Variants in SCN8A observed in about 807,000 individuals in gnomAD.
SCN8A encodes the protein sodium voltage-gated channel alpha subunit 8, also known as sodium channel protein type 8 subunit alpha.
In SCN8A, 30 loss-of-function variants were observed where a neutral mutation model predicts 184.1. That is an observed-to-expected ratio of 0.16 (90% CI 0.12 to 0.22). The LOEUF is 0.22. Ranked by LOEUF, SCN8A falls within the 10% of genes least tolerant of loss-of-function variation. The pLI, the probability that SCN8A is intolerant of heterozygous loss-of-function variation, is 1.00. For synonymous variants in SCN8A, 852 were observed against 907.0 expected (o/e 0.94, Z 1.09); for missense variants, 1,057 against 2,498.9 (o/e 0.42, Z 12.30).
Position 51,790,404 on chromosome 12 carries a change from G to T in SCN8A, c.4426G>T (p.Gly1476Cys). 6.2e-7 allele frequency: 1 copy of T among 1,606,578 alleles called. No individual in the cohort carries two copies. The highest frequency in any genetic ancestry group is 1.1e-5 in the South Asian group (1 of 89,612). The change falls in exon 25 of 27, where the codon GGT becomes TGT. Residue 1476 changes from glycine (G) to cysteine (C), a missense_variant. Gly to Cys is a radical substitution (Grantham distance 159). Coordinates refer to ENST00000627620, the MANE Select transcript of SCN8A (RefSeq NM_001330260.2). ...NFNQQKKKFG[G>C]QDIFMTEEQK... is the part of the protein sequence containing the mutation. ...TTCTTCTTCCCTCCTTTACTTCGGA[G>T]GTCAGGACATCTTCATGACCGAAGA... is the stretch of plus-strand genomic sequence containing the variant.
At chr12:51,646,122 C>G (rs1211800810) in intron 1 of SCN8A, among the ~76,000 whole-genome samples, 1 of 151,580 alleles carries the variant, frequency 6.6e-6, no homozygotes, top group Non-Finnish European at 1.5e-5. Context: ...CAGGATGCCA[C>G]TAATGGATTT....
At chr12:51,702,357 C>T (rs897724896) in intron 8 of SCN8A, among the ~76,000 whole-genome samples, 1 of 151,340 alleles carries the variant, frequency 6.6e-6, no homozygotes, top group African/African-American at 2.4e-5. Flanking sequence ...AACTTCTAGC[C>T]GTTTGTCATT....
intron 19 of SCN8A, among the ~76,000 whole-genome samples, 180 bp from the exon 20 acceptor site, chr12:51,774,009 A>T (rs191194251): frequency 3.3e-5 from 5 of 152,330 alleles, no homozygotes; most frequent in African/African-American, 1.2e-4. Flanking sequence ...TGATGTGTGG[A>T]TTGTATCTCA....
intron 1 of SCN8A, among the ~76,000 whole-genome samples, chr12:51,639,091 C>T (rs1315278431): frequency 5.9e-5 from 9 of 151,650 alleles, no homozygotes; most frequent in Admixed American, 2.0e-4. Flanking sequence ...GTGATCCTCC[C>T]ACCCAGCCTA....
chr12:51,609,538 C>T (rs1483362546), intron 1 of SCN8A, among the ~76,000 whole-genome samples: 11 of 152,220 alleles, frequency 7.2e-5, no homozygotes, highest in Admixed American at 1.3e-4. Context: ...TTTATAATGT[C>T]CCTCTTTGTC....
intron 2 of SCN8A, among the ~76,000 whole-genome samples, chr12:51,664,995 T>C (rs1165712452): frequency 6.6e-6 from 1 of 152,224 alleles, no homozygotes; most frequent in Non-Finnish European, 1.5e-5. Flanking sequence ...TGGTTTTCTG[T>C]TCCTGTGTTA....
Position 51,796,632 on chromosome 12 carries a change from G to A in SCN8A, c.4795+1991G>A, listed in dbSNP as rs191930734. Among the ~76,000 whole-genome samples, 293 of 152,246 alleles carry A rather than the reference G, an allele frequency of 1.9e-3. 1 individual carries two copies. Among genetic ancestry groups the A allele is most frequent in the African/African-American group, 6.7e-3 (277 of 41,546 alleles). ...AGTGTATTAAGGAGAACTGACTCAC[G>A]ATCACAAGGTGAAGTCCCACGATAG... On this transcript the variant is annotated intron_variant, in intron 26 of 26. Transcript: ENST00000627620.
intron 13 of SCN8A, among the ~76,000 whole-genome samples, chr12:51,751,038 A>G (rs1942586507): frequency 6.6e-6 from 1 of 152,174 alleles, no homozygotes; most frequent in Admixed American, 6.5e-5. Context: ...GCCTGGGATC[A>G]CACAACTTGT....
intron 1 of SCN8A, among the ~76,000 whole-genome samples, chr12:51,603,656 T>C (rs923974417): frequency 3.6e-4 from 55 of 152,326 alleles, no homozygotes; most frequent in African/African-American, 1.3e-3. Flanking sequence ...CCAACAGCAG[T>C]GTATGAGAGT....
intron 12 of SCN8A, among the ~76,000 whole-genome samples, chr12:51,734,621 T>C (rs940766616): frequency 3.9e-5 from 6 of 152,218 alleles, no homozygotes; most frequent in Non-Finnish European, 7.3e-5. Context: ...GTGAGGGCCA[T>C]CATGAACATG....
Position 51,801,011 on chromosome 12 carries a change from A to G in SCN8A, c.4796-5271A>G, listed in dbSNP as rs549296964. On this transcript the variant is annotated intron_variant, in intron 26 of 26. Transcript: ENST00000627620. ...TGAGGGGGCATGATTCTCTATTTTT[A>G]TAATTCAAATTAGCCTTTTGTCCAC... is the stretch of plus-strand genomic sequence containing the variant. Among the ~76,000 whole-genome samples, 9 of 151,494 alleles carry G rather than the reference A, an allele frequency of 5.9e-5. No homozygotes were observed. In the South Asian group the frequency reaches 1.9e-3, roughly 31 times the overall value.
At chr12:51,705,241 G>C (rs1383200937) in intron 9 of SCN8A, among the ~76,000 whole-genome samples, 176 bp from the exon 10 acceptor site, 1 of 152,172 alleles carries the variant, frequency 6.6e-6, no homozygotes, top group African/African-American at 2.4e-5. Flanking sequence ...GAGGATAAGT[G>C]AAACCATTCA....
intron 1 of SCN8A, among the ~76,000 whole-genome samples, chr12:51,626,160 A>C (rs1940073736): frequency 6.6e-6 from 1 of 152,174 alleles, no homozygotes; most frequent in Non-Finnish European, 1.5e-5. Context: ...AGAATTGGCC[A>C]ATTTGAATAA....
intron 12 of SCN8A, among the ~76,000 whole-genome samples, chr12:51,729,570 G>T (rs774192451): frequency 1.3e-5 from 2 of 151,862 alleles, no homozygotes; most frequent in Non-Finnish European, 2.9e-5. Flanking sequence ...TTCTCCTGTC[G>T]ATAGATGTTC....
intron 1 of SCN8A, among the ~76,000 whole-genome samples, chr12:51,608,014 CT>C (rs1939633445): frequency 7.0e-6 from 1 of 143,062 alleles, no homozygotes; most frequent in African/African-American, 2.5e-5. Flanking sequence ...ACCAATTTTT[CT>C]TTTTCCTTTT....
intron 25 of SCN8A, among the ~76,000 whole-genome samples, chr12:51,792,742 G>C (rs1199520494): frequency 6.6e-6 from 1 of 151,890 alleles, no homozygotes; most frequent in Non-Finnish European, 1.5e-5. Flanking sequence ...TGATCCATTT[G>C]TTTTTTGTTT....
Position 51,759,175 on chromosome 12 carries a change from G to A in SCN8A, c.2371-3328G>A, listed in dbSNP as rs111858232. Among the ~76,000 whole-genome samples the A allele has an allele frequency of 1.2e-3, 175 of 151,934 alleles. No homozygotes were observed. In the Middle Eastern group the frequency reaches 0.014, roughly 12 times the overall value. Reference sequence around the variant, plus strand: ...TGCAGGTCAAGTAAGAGAAATGATTGATGTTAAGTAAAGGTGCTGGGACAT... The same window carrying A: ...TGCAGGTCAAGTAAGAGAAATGATTAATGTTAAGTAAAGGTGCTGGGACAT... On this transcript the variant is annotated intron_variant, in intron 14 of 26. Transcript: ENST00000627620.
intron 14 of SCN8A, among the ~76,000 whole-genome samples, chr12:51,758,479 C>T (rs546746050): frequency 1.3e-5 from 2 of 152,242 alleles, no homozygotes; most frequent in South Asian, 2.1e-4. Context: ...ACTCTGTCGC[C>T]CAGGCTGGAG....
chr12:51,789,207 AC>A, intron 23 of SCN8A, 73 bp from the exon 24 acceptor site: 1 of 1,533,282 alleles, frequency 6.5e-7, no homozygotes, highest in South Asian at 1.2e-5. Flanking sequence ...GGTCACAGTT[AC>A]GGCTGATGGC....
Sources: gnomAD v4.1 joint callset for allele counts (sites outside exome capture counted in the v4.1 genomes callset) on GRCh38, gnomAD v4.1.1 for gene constraint, MANE v1.5 for transcripts, NCBI Gene and HGNC (gene_info 2026-07-23, HGNC 2026-07-21) for gene names.